The following PATJ variants were observed in gnomAD, a reference collection of about 807,000 sequenced individuals.
PATJ encodes the protein inaD-like protein.
Under a neutral mutation model 224.9 loss-of-function variants are expected in PATJ, and 190 were observed. The ratio of observed to expected loss-of-function variants is 0.84; its 90% confidence interval spans 0.75 to 0.95. The LOEUF (loss-of-function observed/expected upper bound fraction) is 0.95. Ranked by LOEUF, PATJ falls within the 40% of genes least tolerant of loss-of-function variation. PATJ has a pLI of 0.00. For missense variants in PATJ, 2,121 were observed against 2,270.3 expected (o/e 0.93, Z 1.34); for synonymous variants, 769 against 820.3 (o/e 0.94, Z 1.07).
intron 33 of PATJ, among the ~76,000 whole-genome samples, chr1:62,098,220 A>G (rs58323203): frequency 0.28 from 42,908 of 151,558 alleles, 7,037 homozygotes; most frequent in African/African-American, 0.45. Flanking sequence ...TTAGCCAGGC[A>G]TGGTGGTGGG....
Position 62,106,156 on chromosome 1 carries a change from GTGTATATATATATATATATA to G in PATJ, c.4378-2279_4378-2260del. 3.6e-5 allele frequency among the ~76,000 whole-genome samples: 2 copies of G among 54,876 alleles called. 1 individual carries two copies. Among genetic ancestry groups the G allele is most frequent in the South Asian group, 1.6e-3 (2 of 1,214 alleles). The allele number at this position is 54,876 out of a possible 152,430, so 36.0% of individuals were successfully genotyped here. ...TATACATGTGTATATGTGTGTGTGT[GTGTATATATATATATATATA>G]TATATATATATGGCTGGGCACAGCG... On this transcript the variant is annotated intron_variant, in intron 33 of 43. Coordinates refer to ENST00000642238, the MANE Select transcript of PATJ (RefSeq NM_001350145.3).
chr1:61,864,784 C>T (rs1323707917), intron 20 of PATJ, 151 bp downstream of exon 20: 1 of 623,572 alleles, frequency 1.6e-6, no homozygotes, highest in Non-Finnish European at 2.7e-6. Flanking sequence ...CAGTGTCTAG[C>T]TGTAAGTATA....
chr1:61,836,625 C>T (rs1447522102), intron 17 of PATJ, among the ~76,000 whole-genome samples: 1 of 152,180 alleles, frequency 6.6e-6, no homozygotes, highest in Non-Finnish European at 1.5e-5. Flanking sequence ...TCTACCATGA[C>T]ATTTAGATGA....
intron 24 of PATJ, among the ~76,000 whole-genome samples, chr1:61,906,036 C>T (rs1049077541): frequency 1.3e-5 from 2 of 152,200 alleles, no homozygotes; most frequent in African/African-American, 2.4e-5. Context: ...TAGGTTGTCA[C>T]CTATACTTCT....
At chr1:62,083,748 TATTG>T (rs1299326797) in intron 32 of PATJ, among the ~76,000 whole-genome samples, 1 of 152,222 alleles carries the variant, frequency 6.6e-6, no homozygotes, top group Non-Finnish European at 1.5e-5. Flanking sequence ...TTTCATACTT[TATTG>T]ATTAAATTCT....
rs377489788 is a variant in PATJ at position 62,144,777 on chromosome 1, A to AAATATATAT, written c.5272-3506_5272-3505insATATATATA. ...TAGAATGTTATTTGCAAAAAAAAAA[A>AAATATATAT]ATATATATATATATATATAATTAGC... is the stretch of plus-strand genomic sequence containing the variant. On this transcript the variant is annotated intron_variant, in intron 41 of 43. Transcript: ENST00000642238. Among the ~76,000 whole-genome samples, 162 of 119,092 alleles carry AAATATATAT rather than the reference A, an allele frequency of 1.4e-3. 2 individuals are homozygous for AAATATATAT. The highest frequency in any genetic ancestry group is 3.8e-3 in the African/African-American group (111 of 29,302). 78.1% of individuals were successfully genotyped at this position (119,092 alleles called of 152,430 possible).
intron 42 of PATJ, among the ~76,000 whole-genome samples, chr1:62,150,278 A>G (rs1469569083): frequency 6.6e-6 from 1 of 152,180 alleles, no homozygotes; most frequent in Admixed American, 6.6e-5. Flanking sequence ...ACTTAGATAC[A>G]AGTGCTAGGT....
At chr1:61,751,715 A>G (rs1292638411) in intron 1 of PATJ, among the ~76,000 whole-genome samples, 1 of 152,242 alleles carries the variant, frequency 6.6e-6, no homozygotes, top group African/African-American at 2.4e-5. Flanking sequence ...AGTCTCAGCT[A>G]CTAGGGAGGC....
intron 43 of PATJ, among the ~76,000 whole-genome samples, chr1:62,160,690 AG>A (rs1558253611): frequency 1.3e-5 from 2 of 152,174 alleles, no homozygotes; most frequent in South Asian, 2.1e-4. Context: ...TATGTTATTT[AG>A]ATTATCCATA....
At chr1:61,762,958 A>T in intron 2 of PATJ, 44 bp downstream of exon 2, 1 of 1,520,040 alleles carries the variant, frequency 6.6e-7, no homozygotes, top group Non-Finnish European at 9.0e-7. Context: ...ATTATTTAAA[A>T]ATGGAATCTC....
intron 27 of PATJ, among the ~76,000 whole-genome samples, chr1:61,976,937 C>A (rs1644167656): frequency 1.3e-5 from 2 of 152,018 alleles, no homozygotes; most frequent in Admixed American, 1.3e-4. Flanking sequence ...AAACATATAA[C>A]TATAATACCA....
Position 61,822,056 on chromosome 1 carries a change from T to C in PATJ, c.1684-889T>C, listed in dbSNP as rs561026969. Among the ~76,000 whole-genome samples the C allele has an allele frequency of 5.9e-5, 9 of 152,310 alleles. No homozygotes were observed. In the South Asian group the frequency reaches 1.9e-3, roughly 32 times the overall value. On this transcript the variant is annotated intron_variant, in intron 14 of 43. Transcript: ENST00000642238. ...AATGTTTTCACTTAAGTTGGCTAGA[T>C]GGAAAAGGACATCTTAAATGAGGCA... is the stretch of plus-strand genomic sequence containing the variant.
chr1:62,099,347 C>CTTTTTTTTTTTTTTTTTTT lies in PATJ; in HGVS notation c.4378-9078_4378-9060dup, dbSNP rs71050197. On this transcript the variant is annotated intron_variant, in intron 33 of 43. Coordinates refer to ENST00000642238, the MANE Select transcript of PATJ (RefSeq NM_001350145.3). ...ATTTTTTTGTATACAATATCTCCAA[C>CTTTTTTTTTTTTTTTTTTT]TTTTTTTTTTTTTTTTTTTTTTTTT... Among the ~76,000 whole-genome samples, 19 of 55,676 alleles carry CTTTTTTTTTTTTTTTTTTT rather than the reference C, an allele frequency of 3.4e-4. 1 individual carries two copies. Among genetic ancestry groups the CTTTTTTTTTTTTTTTTTTT allele is most frequent in the African/African-American group, 1.2e-3 (16 of 12,842 alleles). 36.5% of individuals were successfully genotyped at this position (55,676 alleles called of 152,430 possible). A position where few individuals can be genotyped will look rare whatever the true frequency, so the allele number is the denominator to read the frequency against.
intron 32 of PATJ, among the ~76,000 whole-genome samples, chr1:62,080,680 AAAGACAG>A (rs1659147284): frequency 6.6e-6 from 1 of 152,220 alleles, no homozygotes; most frequent in South Asian, 2.1e-4. Context: ...AAACTCTTTA[AAAGACAG>A]TACTCACCAA....
Position 62,105,961 on chromosome 1 carries a change from A to G in PATJ, c.4378-2476A>G, listed in dbSNP as rs986460369. 1.9e-4 allele frequency among the ~76,000 whole-genome samples: 28 copies of G among 144,014 alleles called. No homozygotes were observed. The Admixed American group carries it at 2.0e-3, about 10-fold the overall frequency. The allele number at this position is 144,014 out of a possible 152,430, so 94.5% of individuals were successfully genotyped here. ...TAGAAAGTAAGCCTGGTGCTATGGGACATGCCTGTAGTCCCAGCTCCCAGG... is the reference window on the plus strand; with the variant it reads ...TAGAAAGTAAGCCTGGTGCTATGGGGCATGCCTGTAGTCCCAGCTCCCAGG... On this transcript the variant is annotated intron_variant, in intron 33 of 43. Coordinates refer to ENST00000642238, the MANE Select transcript of PATJ (RefSeq NM_001350145.3).
rs548236082 is a variant in PATJ, at chr1:62,128,037, C to T, written c.5109C>T (p.Pro1703=). ...GGRGSPLGDI[P]VFIAMIQASG... ...GAGGAAGTCCCTTAGGAGATATCCC[C>T]GTATTTATTGCCATGATTCAGGCTA... The change falls in exon 40 of 44, where the codon CCC becomes CCT. Residue 1703 remains proline (P), a synonymous_variant. Coordinates refer to ENST00000642238, the MANE Select transcript of PATJ (RefSeq NM_001350145.3). The T allele has an allele frequency of 3.1e-5, 50 of 1,614,010 alleles. No homozygotes were observed. Among genetic ancestry groups the T allele is most frequent in the South Asian group, 2.6e-4 (24 of 91,068 alleles).
intron 28 of PATJ, among the ~76,000 whole-genome samples, chr1:62,013,829 A>C (rs1646601650): frequency 4.0e-5 from 6 of 151,830 alleles, no homozygotes; most frequent in Admixed American, 3.9e-4. Context: ...GCTGGAGTGC[A>C]GTGGTGCGAT....
intron 13 of PATJ, among the ~76,000 whole-genome samples, chr1:61,806,357 C>T (rs1160219335): frequency 4.6e-5 from 7 of 152,110 alleles, no homozygotes; most frequent in African/African-American, 9.7e-5. Context: ...CGGTGGCTCA[C>T]GCCTGTAATT....
intron 33 of PATJ, among the ~76,000 whole-genome samples, chr1:62,092,331 T>A (rs1250540934): frequency 6.6e-6 from 1 of 152,052 alleles, no homozygotes; most frequent in Non-Finnish European, 1.5e-5. Context: ...AGTAAACTTT[T>A]ATTGCACCAC....
Sources: gnomAD v4.1 joint callset for allele counts (sites outside exome capture counted in the v4.1 genomes callset) on GRCh38, gnomAD v4.1.1 for gene constraint, MANE v1.5 for transcripts, NCBI Gene and HGNC (gene_info 2026-07-23, HGNC 2026-07-21) for gene names.